Variants in TTYH2 observed in about 807,000 individuals in gnomAD.
TTYH2 encodes protein tweety homolog 2.
TTYH2 carries 49 observed loss-of-function variants against 68.3 expected under a neutral mutation model. The observed-to-expected ratio is 0.72, with a 90% CI of 0.57 to 0.91. The LOEUF (loss-of-function observed/expected upper bound fraction) is 0.91, where lower values mean the gene tolerates loss of function less well. Ranked by LOEUF, TTYH2 falls within the 40% of genes least tolerant of loss-of-function variation. TTYH2 has a pLI of 0.00. For missense variants in TTYH2, 631 were observed against 700.4 expected (o/e 0.90, Z 1.12); for synonymous variants, 272 against 300.8 (o/e 0.90, Z 0.99).
intron 2 of TTYH2, among the ~76,000 whole-genome samples, chr17:74,226,494 C>T (rs768834206): frequency 6.6e-6 from 1 of 152,060 alleles, no homozygotes; most frequent in African/African-American, 2.4e-5. Flanking sequence ...GGTCATTGGT[C>T]GCCTTCCTTG....
intron 6 of TTYH2, among the ~76,000 whole-genome samples, chr17:74,244,814 G>A (rs966456751): frequency 2.0e-5 from 3 of 152,012 alleles, no homozygotes; most frequent in Non-Finnish European, 4.4e-5. Flanking sequence ...AGACTCATAG[G>A]CAGATCACTG....
chr17:74,214,305 C>T lies in TTYH2; in HGVS notation c.129+589C>T, dbSNP rs976779315. Among the ~76,000 whole-genome samples, 7 of 152,132 alleles carry T rather than the reference C, an allele frequency of 4.6e-5. No individual in the cohort carries two copies. The highest frequency in any genetic ancestry group is 7.4e-5 in the Non-Finnish European group (5 of 68,014). ...GGAAGCGGTGTGGGTCACTTCCCCT[C>T]TAGCGCAGAGAACCCACAGCTGCTT... is the stretch of plus-strand genomic sequence containing the variant. On this transcript the variant is annotated intron_variant, in intron 1 of 13. Coordinates refer to ENST00000269346, the MANE Select transcript of TTYH2 (RefSeq NM_032646.6). The surrounding 1 kb of genome is among the most constrained non-coding windows in gnomAD (Gnocchi z 4.6).
chr17:74,226,702 G>T (rs1227521573), intron 2 of TTYH2, among the ~76,000 whole-genome samples: 1 of 152,076 alleles, frequency 6.6e-6, no homozygotes, highest in Non-Finnish European at 1.5e-5. Flanking sequence ...GACCAACAAG[G>T]GGTTCCTGAA....
chr17:74,249,703 AC>A (rs2050598951), intron 8 of TTYH2, among the ~76,000 whole-genome samples: 1 of 151,450 alleles, frequency 6.6e-6, no homozygotes, highest in South Asian at 2.1e-4. Context: ...TGGTCCAAAG[AC>A]CACATCTGAG....
intron 2 of TTYH2, among the ~76,000 whole-genome samples, chr17:74,228,841 C>T (rs1006694840): frequency 2.0e-5 from 3 of 152,308 alleles, no homozygotes; most frequent in East Asian, 3.9e-4. Flanking sequence ...TTAAGAGTGA[C>T]ATTAACCAAT....
At chr17:74,236,906 T>TC (rs1237776775) in intron 3 of TTYH2, among the ~76,000 whole-genome samples, 3 of 151,258 alleles carry the variant, frequency 2.0e-5, no homozygotes, top group Non-Finnish European at 3.0e-5. Context: ...TTTTTTTTTT[T>TC]TTTTTTCGAC....
intron 2 of TTYH2, among the ~76,000 whole-genome samples, chr17:74,223,523 A>C (rs1452727561): frequency 6.6e-6 from 1 of 152,080 alleles, no homozygotes; most frequent in Non-Finnish European, 1.5e-5. Context: ...ATGAGCCACC[A>C]TGCTGGGCCT....
intron 13 of TTYH2, among the ~76,000 whole-genome samples, chr17:74,259,334 C>T (rs917172962): frequency 2.0e-5 from 3 of 152,130 alleles, no homozygotes; most frequent in African/African-American, 7.2e-5. Context: ...CTGCCTCAGC[C>T]TCCCAAGTGG....
intron 13 of TTYH2, among the ~76,000 whole-genome samples, chr17:74,258,526 C>G (rs1312224583): frequency 2.6e-5 from 4 of 152,070 alleles, no homozygotes; most frequent in African/African-American, 2.4e-5. Flanking sequence ...CTCGGCTTCC[C>G]AAAGTGCTGG....
At position 74,222,866 on chromosome 17, in the gene TTYH2, C is replaced by T. The variant is rs2050291261; in HGVS notation, c.302+209C>T. On this transcript the variant is annotated intron_variant, in intron 2 of 13. Coordinates refer to ENST00000269346, the MANE Select transcript of TTYH2 (RefSeq NM_032646.6). This position sits in a 1 kb window ranked among gnomAD's most constrained non-coding sequence, Gnocchi z 5.2. ...GTCTCCAGAAAGGTCTCCCAAGTGGCCCCCCACAAACCCTGCCCCAATGTG... is the reference window on the plus strand; with the variant it reads ...GTCTCCAGAAAGGTCTCCCAAGTGGTCCCCCACAAACCCTGCCCCAATGTG... Among the ~76,000 whole-genome samples, 1 of 151,910 alleles carries T rather than the reference C, an allele frequency of 6.6e-6. No individual in the cohort carries two copies. Among genetic ancestry groups the T allele is most frequent in the South Asian group, 2.1e-4 (1 of 4,816 alleles).
intron 6 of TTYH2, chr17:74,248,159 C>T: frequency 1.6e-6 from 1 of 613,692 alleles, no homozygotes; most frequent in Non-Finnish European, 2.0e-6. Context: ...GGAGCATGTG[C>T]CAGAGGAGGG....
Position 74,260,863 on chromosome 17 carries a change from CG to C in TTYH2, c.*656del, listed in dbSNP as rs1472862845. ...TGGGGGATCACAGGCTGGTGAACCC[CG>C]GTGGGAACAGAGGTGAAAGCCTGCC... is the stretch of plus-strand genomic sequence containing the variant. On this transcript the variant is annotated 3_prime_UTR_variant, in exon 14 of 14. Transcript: ENST00000269346. 1 of 153,892 alleles carries C rather than the reference CG, an allele frequency of 6.5e-6. No individual in the cohort carries two copies. Among genetic ancestry groups the C allele is most frequent in the Non-Finnish European group, 1.5e-5 (1 of 68,916 alleles). The allele number at this position is 153,892 out of a possible 1,614,324, so 9.5% of individuals were successfully genotyped here.
At chr17:74,248,439 T>G in intron 6 of TTYH2, 1 of 987,412 alleles carries the variant, frequency 1.0e-6, no homozygotes, top group Non-Finnish European at 1.2e-6. Flanking sequence ...CTCCATGCCC[T>G]TCCCACCCCA....
intron 1 of TTYH2, among the ~76,000 whole-genome samples, chr17:74,218,909 T>C (rs1195877349): frequency 2.0e-5 from 3 of 152,164 alleles, no homozygotes; most frequent in Admixed American, 6.5e-5. Context: ...CAGGTTTGTC[T>C]GGGGCTCCCT....
At chr17:74,229,642 A>T (rs2050367148) in intron 2 of TTYH2, among the ~76,000 whole-genome samples, 1 of 152,220 alleles carries the variant, frequency 6.6e-6, no homozygotes, top group Non-Finnish European at 1.5e-5. Context: ...AGGTGAATGG[A>T]TAAGCTGTGG....
intron 6 of TTYH2, 107 bp downstream of exon 6, chr17:74,244,156 C>A: frequency 9.2e-7 from 1 of 1,089,350 alleles, no homozygotes. Flanking sequence ...AACCTAGAAT[C>A]CCAGAATCTC....
intron 3 of TTYH2, among the ~76,000 whole-genome samples, chr17:74,236,229 T>G (rs2050441835): frequency 6.6e-6 from 1 of 152,194 alleles, no homozygotes; most frequent in Admixed American, 6.5e-5. Context: ...TCCAGGCTCC[T>G]CAGAGACAGG....
Position 74,222,525 on chromosome 17 carries a change from G to T in TTYH2, c.170G>T (p.Gly57Val). 1 of 1,612,098 alleles carries T rather than the reference G, an allele frequency of 6.2e-7. No individual in the cohort carries two copies. The change falls in exon 2 of 14, where the codon GGC (glycine) becomes GTC (valine). Residue 57 changes from glycine to valine, a missense_variant. Physicochemically the swap from Gly to Val is moderately radical, Grantham distance 109. Transcript: ENST00000269346. This position sits in a 1 kb window ranked among gnomAD's most constrained non-coding sequence, Gnocchi z 5.2. ...GGGCTGGTGGCCGCCGTCTGCCTGG[G>T]CCTGAACCTCATCTTCCTTGTGGCT... The part of the protein sequence containing the change: ...FLGLVAAVCL[G>V]LNLIFLVAYL...
Position 74,249,419 on chromosome 17 carries a change from G to C in TTYH2, c.930+20G>C. The C allele has an allele frequency of 6.2e-7, 1 of 1,612,816 alleles. No individual in the cohort carries two copies. Among genetic ancestry groups the C allele is most frequent in the South Asian group, 1.1e-5 (1 of 91,076 alleles). ...CAGCAGGTATGGCCCCCCGAGGCCT[G>C]CCCTCACCCTGCCCACAGCCGCTCC... On this transcript the variant is annotated intron_variant, in intron 8 of 13. Transcript: ENST00000269346.
Sources: gnomAD v4.1 joint callset for allele counts (sites outside exome capture counted in the v4.1 genomes callset) on GRCh38, gnomAD v4.1.1 for gene constraint, Gnocchi (gnomAD v3.1) non-coding constraint, MANE v1.5 for transcripts, NCBI Gene and HGNC (gene_info 2026-07-23, HGNC 2026-07-21) for gene names.